LARP1: variants seen among roughly 807,000 people sequenced by gnomAD.
LARP1 encodes La ribonucleoprotein 1, translational regulator.
In LARP1, 36 loss-of-function variants were observed where a neutral mutation model predicts 122.7. That is an observed-to-expected ratio of 0.29 (90% CI 0.22 to 0.39). The LOEUF is 0.39. Ranked by LOEUF, LARP1 falls within the 10% of genes least tolerant of loss-of-function variation. The pLI is 1.00. For synonymous variants in LARP1, 539 were observed against 528.7 expected (o/e 1.02, Z -0.27); for missense variants, 1,040 against 1,403.6 (o/e 0.74, Z 4.14).
intron 1 of LARP1, among the ~76,000 whole-genome samples, chr5:154,692,441 G>C (rs998648123): frequency 6.6e-6 from 1 of 152,124 alleles, no homozygotes; most frequent in Non-Finnish European, 1.5e-5. Flanking sequence ...CTAAGTGCTT[G>C]TTATTATAAT....
intron 1 of LARP1, among the ~76,000 whole-genome samples, chr5:154,705,448 C>A (rs1754904967): frequency 6.6e-6 from 1 of 152,092 alleles, no homozygotes; most frequent in Admixed American, 6.6e-5. Flanking sequence ...TATCAGCTCA[C>A]TGCAACCTCT....
At chr5:154,728,136 T>G (rs1033193617) in intron 1 of LARP1, among the ~76,000 whole-genome samples, 1 of 152,168 alleles carries the variant, frequency 6.6e-6, no homozygotes, top group African/African-American at 2.4e-5. Flanking sequence ...AATATAAGTA[T>G]GAATCACTTG....
At chr5:154,727,011 T>C (rs1191343358) in intron 1 of LARP1, among the ~76,000 whole-genome samples, 2 of 152,222 alleles carry the variant, frequency 1.3e-5, no homozygotes, top group African/African-American at 2.4e-5. Flanking sequence ...GTGGGGATCA[T>C]TATAATTCAA....
At chr5:154,756,648 G>C (rs1753945480) in intron 1 of LARP1, 1 of 314,788 alleles carries the variant, frequency 3.2e-6, no homozygotes, top group African/African-American at 2.2e-5. Context: ...CATATGTCAC[G>C]GGCAACCCAG....
rs188427577 is a variant in LARP1 at position 154,745,172 on chromosome 5, C to T, written c.205+32042C>T. ...CGATCTCTTGACCTCGTGATCCGCC[C>T]GCCTCGGCCTCCCAAAGTGCTGGGA... is the stretch of plus-strand genomic sequence containing the variant. On this transcript the variant is annotated intron_variant, in intron 1 of 18. Coordinates refer to the LARP1 transcript ENST00000336314. Among the ~76,000 whole-genome samples the T allele has an allele frequency of 5.2e-4, 79 of 152,020 alleles. 1 individual carries two copies. The East Asian group carries it at 0.012, about 22-fold the overall frequency.
chr5:154,755,264 G>A (rs1157656270), upstream of LARP1, among the ~76,000 whole-genome samples: 1 of 146,824 alleles, frequency 6.8e-6, no homozygotes, highest in African/African-American at 2.5e-5. Flanking sequence ...CCAGCGGCGC[G>A]CCCCCGCTGC....
chr5:154,691,820 C>G (rs1006613974), intron 1 of LARP1, among the ~76,000 whole-genome samples: 11 of 145,076 alleles, frequency 7.6e-5, no homozygotes, highest in African/African-American at 2.5e-4. Flanking sequence ...TTTTCTTTTT[C>G]TTTTTTGAGG....
At chr5:154,699,316 C>T (rs968484128) in intron 1 of LARP1, among the ~76,000 whole-genome samples, 2 of 152,072 alleles carry the variant, frequency 1.3e-5, no homozygotes, top group Non-Finnish European at 2.9e-5. Flanking sequence ...TCTTGGGCCC[C>T]ATTCCTGGAG....
chr5:154,780,915 TAGAC>T (rs1191673345), intron 1 of LARP1, among the ~76,000 whole-genome samples: 3 of 151,762 alleles, frequency 2.0e-5, no homozygotes, highest in Non-Finnish European at 2.9e-5. Flanking sequence ...TACAAAAAAT[TAGAC>T]AGGCTTGGTG....
intron 1 of LARP1, among the ~76,000 whole-genome samples, chr5:154,701,131 TTTTG>T (rs936847334): frequency 2.0e-5 from 3 of 152,072 alleles, no homozygotes; most frequent in Admixed American, 6.6e-5. Flanking sequence ...TTCTTTTGTT[TTTTG>T]TTTGTTTGTT....
intron 1 of LARP1, among the ~76,000 whole-genome samples, chr5:154,785,653 CCT>C (rs1448136325): frequency 6.6e-6 from 1 of 152,112 alleles, no homozygotes; most frequent in African/African-American, 2.4e-5. Context: ...TTAATGGGGC[CCT>C]CTGACTTTCC....
At chr5:154,727,498 G>A (rs1756294116) in intron 1 of LARP1, among the ~76,000 whole-genome samples, 1 of 152,150 alleles carries the variant, frequency 6.6e-6, no homozygotes, top group South Asian at 2.1e-4. Flanking sequence ...TAGTTGTGGG[G>A]GAAGGGAGAA....
chr5:154,784,284 A>G (rs911949064), intron 1 of LARP1, among the ~76,000 whole-genome samples: 1 of 152,134 alleles, frequency 6.6e-6, no homozygotes, highest in African/African-American at 2.4e-5. Flanking sequence ...CAGATAAGTA[A>G]CCAGCCCATT....
chr5:154,720,908 G>T (rs1263533570), intron 1 of LARP1, among the ~76,000 whole-genome samples: 1 of 152,138 alleles, frequency 6.6e-6, no homozygotes, highest in Non-Finnish European at 1.5e-5. Context: ...AACAGTGGAT[G>T]AGTTGAGGTA....
At chr5:154,805,221 TAAAA>T (rs1434544735) in intron 14 of LARP1, 9 of 243,118 alleles carry the variant, frequency 3.7e-5, no homozygotes, top group South Asian at 1.9e-4. Flanking sequence ...GAACCTAAAA[TAAAA>T]GTTAAAATCA....
intron 1 of LARP1, among the ~76,000 whole-genome samples, chr5:154,699,492 CA>C (rs34380813): frequency 0.12 from 17,186 of 146,938 alleles, 2,193 homozygotes; most frequent in African/African-American, 0.32. Flanking sequence ...CCTCTTTCTA[CA>C]AAAAAAAAAA....
upstream of LARP1, among the ~76,000 whole-genome samples, chr5:154,711,245 G>A (rs1164739381): frequency 1.3e-5 from 2 of 151,514 alleles, no homozygotes; most frequent in Non-Finnish European, 2.9e-5. Context: ...GGGTTCAAGC[G>A]ATTCTCCTGC....
At chr5:154,743,063 G>A (rs1297869208) in intron 1 of LARP1, among the ~76,000 whole-genome samples, 1 of 152,126 alleles carries the variant, frequency 6.6e-6, no homozygotes, top group East Asian at 1.9e-4. Context: ...TCTTGGAGAT[G>A]ACCTACAGCC....
chr5:154,708,018 C>T (rs1755033255), upstream of LARP1, among the ~76,000 whole-genome samples: 2 of 152,338 alleles, frequency 1.3e-5, no homozygotes, highest in Non-Finnish European at 2.9e-5. Context: ...CCGCTTCTAG[C>T]ATGGACAATG....
Sources: allele counts gnomAD v4.1 joint callset (sites outside exome capture counted in the v4.1 genomes callset), GRCh38; gene constraint gnomAD v4.1.1; transcripts MANE v1.5; gene names NCBI Gene and HGNC (gene_info 2026-07-23, HGNC 2026-07-21).